PALM2AKAP2: variants seen among roughly 807,000 people sequenced by gnomAD.
PALM2AKAP2 encodes the protein PALM2-AKAP2 fusion protein.
A neutral mutation model predicts 71.5 loss-of-function variants in PALM2AKAP2; 37 were observed. The observed-to-expected ratio is 0.52, with a 90% CI of 0.40 to 0.68. The LOEUF (loss-of-function observed/expected upper bound fraction) is 0.68. Among genes scored for constraint, PALM2AKAP2 ranks in the 30% least tolerant of loss-of-function variants. The pLI, the probability that PALM2AKAP2 is intolerant of heterozygous loss-of-function variation, is 0.00. For missense variants in PALM2AKAP2, 1,224 were observed against 1,191.8 expected (o/e 1.03, Z -0.40); for synonymous variants, 468 against 478.8 (o/e 0.98, Z 0.29).
At chr9:109,773,601 G>A (rs1158781489) in intron 1 of PALM2AKAP2, among the ~76,000 whole-genome samples, 1 of 152,176 alleles carries the variant, frequency 6.6e-6, no homozygotes, top group Non-Finnish European at 1.5e-5. Context: ...AATGGGACTA[G>A]TTAGCTATCC....
intron 1 of PALM2AKAP2, among the ~76,000 whole-genome samples, chr9:109,642,860 T>A (rs75288424): frequency 0.076 from 11,239 of 148,564 alleles, 503 homozygotes; most frequent in East Asian, 0.22. Flanking sequence ...TTTTTTTTTT[T>A]AATTTATAAA....
At chr9:110,091,459 CT>C (rs66848294) in intron 1 of PALM2AKAP2, among the ~76,000 whole-genome samples, 1,123 of 83,584 alleles carry the variant, frequency 0.013, 13 homozygotes, top group African/African-American at 0.053. Flanking sequence ...GAGATTTATT[CT>C]TTTTTTTTTT....
chr9:110,003,284 TA>T (rs1489214163), intron 6 of PALM2AKAP2, among the ~76,000 whole-genome samples: 1 of 152,226 alleles, frequency 6.6e-6, no homozygotes, highest in Non-Finnish European at 1.5e-5. Flanking sequence ...TTCATTTTGT[TA>T]TGTACCCAGT....
At chr9:110,136,995 A>C (rs1835894136) in exon 2 of PALM2AKAP2, 3 of 1,614,078 alleles carry the variant, frequency 1.9e-6, no homozygotes, top group Non-Finnish European at 2.5e-6. Context: ...ATCGAGGAGC[A>C]GCTGGACGAG....
intron 6 of PALM2AKAP2, among the ~76,000 whole-genome samples, chr9:109,978,088 T>C (rs1832202982): frequency 6.6e-6 from 1 of 151,742 alleles, no homozygotes; most frequent in Non-Finnish European, 1.5e-5. Flanking sequence ...AGATATTTGG[T>C]AGGAAAATAA....
chr9:109,959,347 T>G (rs781286754), intron 6 of PALM2AKAP2, among the ~76,000 whole-genome samples: 1 of 152,124 alleles, frequency 6.6e-6, no homozygotes, highest in Non-Finnish European at 1.5e-5. Context: ...GAGAGTTGTC[T>G]TAAGTATAAA....
chr9:109,994,314 T>A (rs914694906), intron 6 of PALM2AKAP2, among the ~76,000 whole-genome samples: 34 of 152,150 alleles, frequency 2.2e-4, no homozygotes, highest in African/African-American at 8.2e-4. Context: ...TATGGATACA[T>A]CCCAAAAGAC....
At chr9:109,983,013 AG>A (rs1406831279) in intron 6 of PALM2AKAP2, among the ~76,000 whole-genome samples, 1 of 152,168 alleles carries the variant, frequency 6.6e-6, no homozygotes, top group Non-Finnish European at 1.5e-5. Context: ...AGTCTTGGAG[AG>A]GGAGCAACAA....
At chr9:109,815,217 T>C (rs569077658) in intron 1 of PALM2AKAP2, among the ~76,000 whole-genome samples, 48 of 152,234 alleles carry the variant, frequency 3.2e-4, no homozygotes, top group African/African-American at 1.1e-3. Flanking sequence ...GTTTCCAGCA[T>C]AGACAAGGGG....
intron 1 of PALM2AKAP2, among the ~76,000 whole-genome samples, chr9:110,111,182 C>T (rs906395642): frequency 1.5e-5 from 2 of 135,008 alleles, no homozygotes; most frequent in Non-Finnish European, 3.1e-5. Context: ...GTCTCAATGG[C>T]TCAGGCTCCA....
At chr9:109,766,475 C>T (rs191486412) in intron 1 of PALM2AKAP2, among the ~76,000 whole-genome samples, 1 of 152,294 alleles carries the variant, frequency 6.6e-6, no homozygotes, top group Non-Finnish European at 1.5e-5. Context: ...CTTGCAGACT[C>T]ATTGCGATTT....
intron 1 of PALM2AKAP2, among the ~76,000 whole-genome samples, chr9:109,681,711 A>T (rs1467070943): frequency 6.6e-6 from 1 of 152,190 alleles, no homozygotes; most frequent in Non-Finnish European, 1.5e-5. Context: ...AGTATTTTAG[A>T]CTTATTATAT....
chr9:110,009,342 A>G (rs1328875458), intron 6 of PALM2AKAP2, among the ~76,000 whole-genome samples: 1 of 152,168 alleles, frequency 6.6e-6, no homozygotes, highest in African/African-American at 2.4e-5. Context: ...CTGGAATGCC[A>G]TCCATTGCTG....
intron 2 of PALM2AKAP2, among the ~76,000 whole-genome samples, chr9:110,144,671 A>T (rs781745986): frequency 1.3e-5 from 2 of 152,232 alleles, no homozygotes; most frequent in Non-Finnish European, 2.9e-5. Flanking sequence ...TGATCAAATT[A>T]AATTTCTACT....
intron 3 of PALM2AKAP2, among the ~76,000 whole-genome samples, chr9:109,915,841 A>G (rs7855586): frequency 0.32 from 49,346 of 152,038 alleles, 8,541 homozygotes; most frequent in East Asian, 0.68. Context: ...GAGTTCACAG[A>G]CAAGACCCTC....
intron 1 of PALM2AKAP2, among the ~76,000 whole-genome samples, chr9:109,655,639 T>A (rs1399310910): frequency 6.6e-6 from 1 of 152,186 alleles, no homozygotes; most frequent in Admixed American, 6.5e-5. Context: ...TTTTGGTTTC[T>A]GTGAAACTGC....
intron 6 of PALM2AKAP2, among the ~76,000 whole-genome samples, chr9:109,941,145 CTTTTTT>C (rs34635858): frequency 3.8e-5 from 4 of 106,282 alleles, no homozygotes; most frequent in Non-Finnish European, 7.4e-5. Flanking sequence ...TCTTCCTCTT[CTTTTTT>C]TTTTTTTTTT....
intron 3 of PALM2AKAP2, among the ~76,000 whole-genome samples, chr9:109,922,619 A>T (rs1330031689): frequency 3.3e-5 from 5 of 152,136 alleles, no homozygotes; most frequent in Admixed American, 3.3e-4. Flanking sequence ...AAATAATTCA[A>T]GAGGCACAGC....
At chr9:109,812,453 A>G (rs1443823032) in intron 1 of PALM2AKAP2, among the ~76,000 whole-genome samples, 1 of 152,166 alleles carries the variant, frequency 6.6e-6, no homozygotes, top group Non-Finnish European at 1.5e-5. Flanking sequence ...GGCATTGGAT[A>G]GGAGTGAGCC....
Sources: allele counts gnomAD v4.1 joint callset (sites outside exome capture counted in the v4.1 genomes callset), GRCh38; gene constraint gnomAD v4.1.1; transcripts MANE v1.5; gene names NCBI Gene and HGNC (gene_info 2026-07-23, HGNC 2026-07-21).